The following ACACA variants were observed in gnomAD, a reference collection of about 807,000 sequenced individuals.
ACACA encodes acetyl-CoA carboxylase 1.
Under a neutral mutation model 296.1 loss-of-function variants are expected in ACACA, and 103 were observed. The observed-to-expected ratio is 0.35, with a 90% CI of 0.30 to 0.41. ACACA has a LOEUF of 0.41. ACACA is among the 10% of genes least tolerant of loss of function. ACACA has a pLI of 1.00. For missense variants in ACACA, 1,554 were observed against 2,989.7 expected, an observed-to-expected ratio of 0.52 and a Z score of 11.20; for synonymous variants, 953 against 1,038.6, an observed-to-expected ratio of 0.92 and a Z score of 1.58.
chr17:37,181,949 G>A (rs368049214), intron 39 of ACACA, among the ~76,000 whole-genome samples: 4 of 145,446 alleles, frequency 2.8e-5, no homozygotes, highest in African/African-American at 5.1e-5. Context: ...AAGAAAGCAC[G>A]GTGCACATTT....
At chr17:37,223,418 C>T in intron 28 of ACACA, 94 bp downstream of exon 28, 1 of 1,006,896 alleles carries the variant, frequency 9.9e-7, no homozygotes, top group Non-Finnish European at 1.6e-6. Context: ...AACCTTAAGG[C>T]CAGAGAACTA....
intron 10 of ACACA, among the ~76,000 whole-genome samples, chr17:37,264,355 C>G (rs764605766): frequency 6.6e-6 from 1 of 152,186 alleles, no homozygotes; most frequent in Non-Finnish European, 1.5e-5. Context: ...GGACAGAATT[C>G]TAAAATGGTA....
At chr17:37,284,488 T>C (rs533371438) in intron 4 of ACACA, among the ~76,000 whole-genome samples, 41 of 152,320 alleles carry the variant, frequency 2.7e-4, no homozygotes, top group Non-Finnish European at 4.3e-4. Flanking sequence ...GTCGCCCACG[T>C]TGGAGTGCAG....
chr17:37,359,074 C>G, intron 1 of ACACA: 1 of 985,896 alleles, frequency 1.0e-6, no homozygotes, highest in Non-Finnish European at 1.2e-6. Flanking sequence ...GAGGAGACGC[C>G]GGCGGCTCGG....
chr17:37,242,903 C>G (rs886720639), intron 22 of ACACA, among the ~76,000 whole-genome samples: 11 of 151,964 alleles, frequency 7.2e-5, no homozygotes, highest in Admixed American at 4.6e-4. Flanking sequence ...GGCATGGCAG[C>G]GTGTGAATGT....
rs1555627679 is a variant in ACACA, at chr17:37,280,738, C to CACACACACAA, written c.610+2528_610+2529insTTGTGTGTGT. Among the ~76,000 whole-genome samples the CACACACACAA allele has an allele frequency of 2.0e-5, 3 of 150,936 alleles. No individual in the cohort carries two copies. In the East Asian group the frequency reaches 5.8e-4, roughly 29 times the overall value. ...TCAACTTTTACATAGTTAACACACA[C>CACACACACAA]ACACACACACACACACACACACACC... On this transcript the variant is annotated intron_variant, in intron 5 of 55. Transcript: ENST00000616317.
intron 1 of ACACA, among the ~76,000 whole-genome samples, chr17:37,396,410 A>AT (rs1345436832): frequency 6.6e-6 from 1 of 152,022 alleles, no homozygotes; most frequent in Non-Finnish European, 1.5e-5. Flanking sequence ...CCATTTCTTC[A>AT]TTTTTTAGAT....
chr17:37,277,384 A>G (rs148816300), intron 6 of ACACA, among the ~76,000 whole-genome samples: 124 of 152,392 alleles, frequency 8.1e-4, no homozygotes, highest in African/African-American at 2.9e-3. Flanking sequence ...AGGAAACTCA[A>G]TTCATAGCCT....
chr17:37,154,777 G>A (rs574007650), intron 43 of ACACA, among the ~76,000 whole-genome samples: 39 of 152,298 alleles, frequency 2.6e-4, no homozygotes, highest in Admixed American at 5.9e-4. Flanking sequence ...GATTACAGGC[G>A]TGAAACACTG....
At chr17:37,185,271 C>T (rs1175452436) in intron 39 of ACACA, among the ~76,000 whole-genome samples, 1 of 152,102 alleles carries the variant, frequency 6.6e-6, no homozygotes, top group East Asian at 1.9e-4. Context: ...CTCACTCTCT[C>T]GCCCAGGCTG....
intron 6 of ACACA, 94 bp downstream of exon 6, chr17:37,277,802 A>T: frequency 2.0e-6 from 2 of 975,728 alleles, no homozygotes; most frequent in Non-Finnish European, 3.3e-6. Context: ...TTCGAAAATG[A>T]TGCTTTACAA....
intron 3 of ACACA, among the ~76,000 whole-genome samples, chr17:37,308,223 C>CA (rs1352091412): frequency 3.3e-5 from 5 of 151,614 alleles, no homozygotes; most frequent in African/African-American, 1.2e-4. Flanking sequence ...ATTTATGAGT[C>CA]AAAAAATCAC....
intron 3 of ACACA, among the ~76,000 whole-genome samples, chr17:37,325,071 C>T (rs1251931649): frequency 2.0e-5 from 3 of 150,690 alleles, no homozygotes; most frequent in Admixed American, 6.6e-5. Context: ...CATGGTGGCG[C>T]GCACCTCTAA....
intron 25 of ACACA, among the ~76,000 whole-genome samples, chr17:37,230,024 G>T (rs1201122410): frequency 3.9e-5 from 6 of 151,908 alleles, no homozygotes; most frequent in African/African-American, 2.4e-5. Flanking sequence ...TTGCGTCATT[G>T]CACTACAGCC....
rs1008711456 is a variant in ACACA at position 37,161,830 on chromosome 17, A to C, written c.5300T>G (p.Ile1767Ser). The C allele has an allele frequency of 1.2e-6, 2 of 1,613,954 alleles. No individual in the cohort carries two copies. The highest frequency in any genetic ancestry group is 1.7e-6 in the Non-Finnish European group (2 of 1,180,008). ...CCAGGCCACATGAAACATATGGCGA[A>C]TTTCTTCTGCCAGTCCGATTCTTGC... ...SGARIGLAEE[I>S]RHMFHVAWVD... The change falls in exon 42 of 56, where the codon ATT becomes AGT. Residue 1767 changes from isoleucine (I) to serine (S), a missense_variant. Coordinates refer to ENST00000616317, the MANE Select transcript of ACACA (RefSeq NM_198834.3).
Position 37,275,965 on chromosome 17 carries a change from G to C in ACACA, c.887C>G (p.Pro296Arg). ...TCAGTTCTTACCACTGCCGCTCCAGGGAAGAGTTGGGATACCTGCAGTTTG... is the reference window on the plus strand; with the variant it reads ...TCAGTTCTTACCACTGCCGCTCCAGCGAAGAGTTGGGATACCTGCAGTTTG... ...VAQTAGIPTL[P>R]WSGSGLRVDW... is the part of the protein sequence containing the mutation. The change falls in exon 8 of 56, where the codon CCC becomes CGC. Residue 296 changes from proline to arginine, a missense_variant. This residue lies in a region of ACACA where 47 missense variants were observed against 55.4 expected (regional missense o/e 0.85). Transcript: ENST00000616317. 3 of 1,613,984 alleles carry C rather than the reference G, an allele frequency of 1.9e-6. No homozygotes were observed. The highest frequency in any genetic ancestry group is 2.5e-6 in the Non-Finnish European group (3 of 1,179,844).
chr17:37,124,735 C>A (rs1365755554), intron 48 of ACACA, among the ~76,000 whole-genome samples: 1 of 152,146 alleles, frequency 6.6e-6, no homozygotes, highest in Non-Finnish European at 1.5e-5. Flanking sequence ...TGACTCCAGG[C>A]CAGAATCCTA....
rs184241220 is a variant in ACACA at position 37,384,013 on chromosome 17, C to A, written c.38+22249G>T. On this transcript the variant is annotated intron_variant, in intron 1 of 55. Transcript: ENST00000616317. ...GGGCGCGGTGTCTCATGCCTGTAAT[C>A]CCAGCACTTTGGGAGCCCGAGGCGG... Among the ~76,000 whole-genome samples the A allele has an allele frequency of 4.6e-5, 7 of 152,274 alleles. No individual in the cohort carries two copies. The East Asian group carries it at 1.3e-3, about 29-fold the overall frequency.
intron 1 of ACACA, among the ~76,000 whole-genome samples, chr17:37,364,176 A>C (rs1340653161): frequency 1.3e-5 from 2 of 151,900 alleles, no homozygotes; most frequent in Non-Finnish European, 2.9e-5. Context: ...ACGTGCCTGT[A>C]GTCTCAGCTA....
Sources: gnomAD v4.1 joint callset for allele counts (sites outside exome capture counted in the v4.1 genomes callset) on GRCh38, gnomAD v4.1.1 for gene constraint, gnomAD v4.1.1 regional missense constraint, MANE v1.5 for transcripts, NCBI Gene and HGNC (gene_info 2026-07-23, HGNC 2026-07-21) for gene names.